The following CSMD1 variants were observed in gnomAD, a reference collection of about 807,000 sequenced individuals.
CSMD1 encodes CUB and sushi domain-containing protein 1.
CSMD1 carries 213 observed loss-of-function variants against 417.5 expected under a neutral mutation model. The observed-to-expected ratio is 0.51, with a 90% CI of 0.46 to 0.57. CSMD1 has a LOEUF of 0.57. Among genes scored for constraint, CSMD1 ranks in the 20% least tolerant of loss-of-function variants. The pLI is 0.00. For synonymous variants in CSMD1, 2,862 were observed against 1,736.8 expected, an observed-to-expected ratio of 1.65 and a Z score of -16.11; for missense variants, 6,923 against 4,529.7, an observed-to-expected ratio of 1.53 and a Z score of -15.17.
chr8:3,001,334 T>G (rs745887804), intron 52 of CSMD1, among the ~76,000 whole-genome samples: 1 of 152,174 alleles, frequency 6.6e-6, no homozygotes, highest in African/African-American at 2.4e-5. Flanking sequence ...GCCTCTTTAC[T>G]GCTCTCACTT....
chr8:4,841,740 G>A (rs763407316), intron 1 of CSMD1, among the ~76,000 whole-genome samples: 1 of 151,580 alleles, frequency 6.6e-6, no homozygotes, highest in Non-Finnish European at 1.5e-5. Context: ...GTGAAACCCT[G>A]TCTCTACTAA....
In CSMD1 at chr8:4,221,392, A is replaced by C. The variant is rs894912966; in HGVS notation, c.416-189293T>G. Among the ~76,000 whole-genome samples the C allele has an allele frequency of 5.5e-4, 83 of 151,214 alleles. 1 individual carries two copies. Among genetic ancestry groups the C allele is most frequent in the East Asian group, 1.8e-3 (9 of 5,124 alleles). ...AAGGAAAGTGAGAAAAAAAAAAAAAAACAACACATTGACAGCAGCAAAACT... is the reference window on the plus strand; with the variant it reads ...AAGGAAAGTGAGAAAAAAAAAAAAACACAACACATTGACAGCAGCAAAACT... On this transcript the variant is annotated intron_variant, in intron 3 of 69. Coordinates refer to ENST00000635120, the MANE Select transcript of CSMD1 (RefSeq NM_033225.6).
chr8:3,320,456 T>G (rs956338887), intron 23 of CSMD1, among the ~76,000 whole-genome samples: 54 of 152,330 alleles, frequency 3.5e-4, no homozygotes, highest in African/African-American at 1.2e-3. Flanking sequence ...GTAAAATCCA[T>G]GTAAATATAA....
In CSMD1 at chr8:3,106,585, G is replaced by C. The variant is rs1328358145; in HGVS notation, c.6892C>G (p.Leu2298Val). The C allele has an allele frequency of 3.1e-6, 5 of 1,613,766 alleles. No homozygotes were observed. The African/African-American group carries it at 6.7e-5, about 22-fold the overall frequency. Residue 2298 changes from leucine (L) to valine (V), a missense_variant, in exon 46 of 70, where the codon CTG (leucine) becomes GTG (valine). Leu to Val is a conservative substitution (Grantham distance 32). Transcript: ENST00000635120. ...PGYTLVGTDI[L>V]TCKLSSQLQF... ...AACTGGGAACTGAGCTTGCAAGTCA[G>C]AATGTCGGTCCCCACCAAGGTGTAC... is the stretch of plus-strand genomic sequence containing the variant.
rs537151650 is a variant in CSMD1 at position 4,123,887 on chromosome 8, A to G, written c.416-91788T>C. Among the ~76,000 whole-genome samples the G allele has an allele frequency of 4.6e-5, 7 of 152,348 alleles. No individual in the cohort carries two copies. The East Asian group carries it at 1.4e-3, about 29-fold the overall frequency. ...GATACACATTCCAGGGTTGTATGTG[A>G]TTCCTGAAATCAGATTTCACAATCT... On this transcript the variant is annotated intron_variant, in intron 3 of 69. Coordinates refer to ENST00000635120, the MANE Select transcript of CSMD1 (RefSeq NM_033225.6).
chr8:3,114,149 T>TA (rs1480086279), intron 42 of CSMD1, among the ~76,000 whole-genome samples: 3 of 152,064 alleles, frequency 2.0e-5, no homozygotes, highest in African/African-American at 7.2e-5. Flanking sequence ...GAGGCTGAAG[T>TA]AGGAGGATTG....
chr8:4,271,732 T>C (rs546746369), intron 3 of CSMD1, among the ~76,000 whole-genome samples: 1 of 152,178 alleles, frequency 6.6e-6, no homozygotes, highest in Non-Finnish European at 1.5e-5. Flanking sequence ...CAGGCCTGTA[T>C]ATGATTAATA....
chr8:3,367,917 A>T (rs1279802326), intron 19 of CSMD1, among the ~76,000 whole-genome samples: 2 of 152,164 alleles, frequency 1.3e-5, no homozygotes, highest in Non-Finnish European at 2.9e-5. Flanking sequence ...CAAATTTTCA[A>T]TTTACTCTAA....
At chr8:4,022,402 T>C (rs912630519) in intron 4 of CSMD1, among the ~76,000 whole-genome samples, 5 of 152,150 alleles carry the variant, frequency 3.3e-5, no homozygotes, top group African/African-American at 1.2e-4. Flanking sequence ...GGACATATTT[T>C]CTATGTACAG....
At chr8:3,597,568 A>G (rs1157685435) in intron 8 of CSMD1, among the ~76,000 whole-genome samples, 4 of 152,162 alleles carry the variant, frequency 2.6e-5, no homozygotes, top group Admixed American at 2.6e-4. Flanking sequence ...AAGAATTGTC[A>G]TTTCCATATC....
chr8:3,052,440 G>A (rs1170926959), intron 50 of CSMD1, 22 bp downstream of exon 50: 3 of 1,545,982 alleles, frequency 1.9e-6, no homozygotes, highest in African/African-American at 1.4e-5. Context: ...ACAAAGATGG[G>A]CAGATGCCCC....
intron 26 of CSMD1, among the ~76,000 whole-genome samples, chr8:3,267,203 G>A (rs1007235414): frequency 6.6e-6 from 1 of 152,116 alleles, no homozygotes; most frequent in African/African-American, 2.4e-5. Context: ...GAATTCCCAG[G>A]TAACAGGAGT....
At chr8:3,721,148 G>T (rs1187100650) in intron 6 of CSMD1, among the ~76,000 whole-genome samples, 2 of 152,128 alleles carry the variant, frequency 1.3e-5, no homozygotes, top group Non-Finnish European at 2.9e-5. Flanking sequence ...ATAATGGGAA[G>T]ATCAGGTGGT....
intron 23 of CSMD1, among the ~76,000 whole-genome samples, chr8:3,335,258 T>G (rs746978766): frequency 1.1e-4 from 16 of 152,202 alleles, no homozygotes; most frequent in Non-Finnish European, 1.9e-4. Context: ...AATTCACAGT[T>G]CCAACCTCTC....
chr8:4,225,696 G>A (rs1801307728), intron 3 of CSMD1, among the ~76,000 whole-genome samples: 1 of 152,076 alleles, frequency 6.6e-6, no homozygotes, highest in African/African-American at 2.4e-5. Context: ...GTCTCACCAG[G>A]CAAGGATGTT....
At chr8:4,642,700 A>T (rs1257174666) in intron 1 of CSMD1, among the ~76,000 whole-genome samples, 1 of 152,220 alleles carries the variant, frequency 6.6e-6, no homozygotes, top group Non-Finnish European at 1.5e-5. Context: ...ATTCGTGCAC[A>T]GCCTTTGAAG....
At chr8:3,853,449 G>C (rs982767399) in intron 5 of CSMD1, among the ~76,000 whole-genome samples, 1 of 152,136 alleles carries the variant, frequency 6.6e-6, no homozygotes, top group Admixed American at 6.5e-5. Context: ...CCAGGAAATG[G>C]TAAACTCTGT....
chr8:4,357,222 A>C (rs1801480523), intron 3 of CSMD1, among the ~76,000 whole-genome samples: 1 of 152,170 alleles, frequency 6.6e-6, no homozygotes, highest in African/African-American at 2.4e-5. Flanking sequence ...TTTCAGTTGA[A>C]AGAGCCTCTT....
chr8:4,277,427 G>A (rs1796550294), intron 3 of CSMD1, among the ~76,000 whole-genome samples: 1 of 152,042 alleles, frequency 6.6e-6, no homozygotes, highest in Non-Finnish European at 1.5e-5. Context: ...ACTAATAGCT[G>A]TCCGTCAGCT....
Sources: gnomAD v4.1 joint callset for allele counts (sites outside exome capture counted in the v4.1 genomes callset) on GRCh38, gnomAD v4.1.1 for gene constraint, MANE v1.5 for transcripts, NCBI Gene and HGNC (gene_info 2026-07-23, HGNC 2026-07-21) for gene names.